The following CFAP299 variants were observed in gnomAD, a reference collection of about 807,000 sequenced individuals.
CFAP299 encodes cilia- and flagella-associated protein 299.
In CFAP299, 21 loss-of-function variants were observed where a neutral mutation model predicts 27.0. The observed-to-expected ratio is 0.78, with a 90% CI of 0.55 to 1.12. The LOEUF (loss-of-function observed/expected upper bound fraction) is 1.12, where lower values mean the gene tolerates loss of function less well. Among genes scored for constraint, CFAP299 ranks in the 50% most tolerant of loss-of-function variants. CFAP299 has a pLI of 0.00. For synonymous variants in CFAP299, 104 were observed against 98.1 expected (o/e 1.06, Z -0.36); for missense variants, 310 against 276.6 (o/e 1.12, Z -0.86).
At chr4:80,693,554 G>C (rs1362809031) in intron 3 of CFAP299, among the ~76,000 whole-genome samples, 2 of 129,832 alleles carry the variant, frequency 1.5e-5, no homozygotes, top group Admixed American at 1.6e-4. Flanking sequence ...TGGTGGGGTG[G>C]GGGAGGGGGG....
chr4:80,758,225 A>G (rs916018766), intron 3 of CFAP299, among the ~76,000 whole-genome samples: 1 of 152,146 alleles, frequency 6.6e-6, no homozygotes, highest in African/African-American at 2.4e-5. Flanking sequence ...TGCTGAGGAA[A>G]GTGGCTTTCA....
In CFAP299 at chr4:80,902,160, T is replaced by G. The variant is rs191517251; in HGVS notation, c.476+32025T>G. Among the ~76,000 whole-genome samples, 612 of 151,774 alleles carry G rather than the reference T, an allele frequency of 4.0e-3. 1 individual carries two copies. The highest frequency in any genetic ancestry group is 0.014 in the Middle Eastern group (4 of 294). Reference sequence around the variant, plus strand: ...TCTTCTATGAGAAAAATCTGAACATTTTTCCTATTAATTAATAGGTAGAAT... The same window carrying G: ...TCTTCTATGAGAAAAATCTGAACATGTTTCCTATTAATTAATAGGTAGAAT... On this transcript the variant is annotated intron_variant, in intron 4 of 5. Transcript: ENST00000358105.
chr4:80,457,322 G>A (rs762162099), intron 2 of CFAP299, among the ~76,000 whole-genome samples: 2 of 152,112 alleles, frequency 1.3e-5, no homozygotes, highest in Admixed American at 6.6e-5. Context: ...GAGCCATGTT[G>A]GAAAGTTATT....
intron 3 of CFAP299, among the ~76,000 whole-genome samples, chr4:80,700,764 T>C (rs1735576107): frequency 6.6e-6 from 1 of 152,012 alleles, no homozygotes; most frequent in Admixed American, 6.6e-5. Flanking sequence ...AAAAGGAGAT[T>C]ACTTAAAAAT....
intron 4 of CFAP299, among the ~76,000 whole-genome samples, chr4:80,909,895 A>T (rs1422101069): frequency 6.6e-6 from 1 of 152,126 alleles, no homozygotes; most frequent in Non-Finnish European, 1.5e-5. Context: ...AAATAACTAA[A>T]TTTTTTGAAA....
At chr4:80,904,632 G>A (rs959429976) in intron 4 of CFAP299, among the ~76,000 whole-genome samples, 4 of 152,114 alleles carry the variant, frequency 2.6e-5, no homozygotes, top group African/African-American at 4.8e-5. Flanking sequence ...AAGAGACAAG[G>A]AAGATGTTCA....
rs143918965 is a variant in CFAP299, at chr4:80,645,276, T to G, written c.333+62093T>G. ...ATAAAATCTGTATTTAAGTCAAAAC[T>G]TGCATGGAGTATAGAGTTGCAGTTG... On this transcript the variant is annotated intron_variant, in intron 3 of 5. Coordinates refer to ENST00000358105, the MANE Select transcript of CFAP299 (RefSeq NM_152770.3). 4.9e-3 allele frequency among the ~76,000 whole-genome samples: 744 copies of G among 152,222 alleles called. 10 individuals carry two copies. The highest frequency in any genetic ancestry group is 0.017 in the African/African-American group (712 of 41,542).
chr4:80,948,429 T>C (rs1291891696), intron 5 of CFAP299, among the ~76,000 whole-genome samples: 3 of 69,388 alleles, frequency 4.3e-5, no homozygotes, highest in Non-Finnish European at 1.6e-4. Flanking sequence ...GAATGCTTGT[T>C]TGAGTGATTC....
At chr4:80,347,770 A>G (rs978265462) in intron 1 of CFAP299, among the ~76,000 whole-genome samples, 2 of 152,162 alleles carry the variant, frequency 1.3e-5, no homozygotes, top group Admixed American at 1.3e-4. Context: ...TCACAGAATT[A>G]AAAGAAACTA....
chr4:80,857,867 C>CT lies in CFAP299; in HGVS notation c.334-12118dup, dbSNP rs920783671. Among the ~76,000 whole-genome samples, 58 of 152,008 alleles carry CT rather than the reference C, an allele frequency of 3.8e-4. No individual in the cohort carries two copies. The South Asian group carries it at 6.9e-3, about 18-fold the overall frequency. ...ATCAAGGATATTGGTCTAAAATTCT[C>CT]TTTTTTTTGTTGTGTCTCTGCCCAG... On this transcript the variant is annotated intron_variant, in intron 3 of 5. Transcript: ENST00000358105.
At chr4:80,327,904 A>T in the CFAP299 span, among the ~76,000 whole-genome samples, 1 of 151,424 alleles carries the variant, frequency 6.6e-6, no homozygotes, top group African/African-American at 2.4e-5. Flanking sequence ...AAGTTACACT[A>T]ATAAGAACAG....
rs199854313 is a variant in CFAP299, at chr4:80,944,064, C to CAATAAATA, written c.477-708_477-701dup. Among the ~76,000 whole-genome samples the CAATAAATA allele has an allele frequency of 3.7e-3, 528 of 144,466 alleles. 2 individuals are homozygous for CAATAAATA. Among genetic ancestry groups the CAATAAATA allele is most frequent in the African/African-American group, 8.2e-3 (317 of 38,694 alleles). The allele number at this position is 144,466 out of a possible 152,430, so 94.8% of individuals were successfully genotyped here. On this transcript the variant is annotated intron_variant, in intron 4 of 5. Transcript: ENST00000358105. ...CTGGAGACAGAGCAAGACTCCATCT[C>CAATAAATA]AATAAATAAATAAATAAATAAATAA...
intron 2 of CFAP299, chr4:80,387,687 G>C: frequency 6.4e-7 from 1 of 1,572,302 alleles, no homozygotes; most frequent in East Asian, 2.2e-5. Context: ...TCTGGGCAAA[G>C]GCATGGCCAC....
chr4:80,870,886 C>T, intron 4 of CFAP299: 1 of 985,074 alleles, frequency 1.0e-6, no homozygotes, highest in African/African-American at 1.7e-5. Flanking sequence ...TATCTGAAGA[C>T]TTCCTTATCC....
In CFAP299 at chr4:80,597,582, T is replaced by C. The variant is rs183061273; in HGVS notation, c.333+14399T>C. Among the ~76,000 whole-genome samples, 188 of 152,380 alleles carry C rather than the reference T, an allele frequency of 1.2e-3. 2 individuals are homozygous for C. The highest frequency in any genetic ancestry group is 4.3e-3 in the African/African-American group (178 of 41,598). On this transcript the variant is annotated intron_variant, in intron 3 of 5. Coordinates refer to ENST00000358105, the MANE Select transcript of CFAP299 (RefSeq NM_152770.3). The stretch of plus-strand genomic sequence containing the variant: ...TTTATTGCTAGAGATGTTTCTACGC[T>C]GTTTAAGATATCTTTGCTATCTCAA...
chr4:80,745,342 G>C (rs1724525990), intron 3 of CFAP299, among the ~76,000 whole-genome samples: 1 of 152,064 alleles, frequency 6.6e-6, no homozygotes, highest in African/African-American at 2.4e-5. Context: ...TTACTAAAAT[G>C]ACCAGCAGAC....
At chr4:80,325,698 T>C in the CFAP299 span, among the ~76,000 whole-genome samples, 1 of 152,224 alleles carries the variant, frequency 6.6e-6, no homozygotes, top group Non-Finnish European at 1.5e-5. Flanking sequence ...TTTCACTTAT[T>C]ATGTGACTGG....
chr4:80,757,707 G>T lies in CFAP299; in HGVS notation c.334-112286G>T, dbSNP rs566462521. 2.4e-3 allele frequency among the ~76,000 whole-genome samples: 357 copies of T among 148,268 alleles called. 1 individual carries two copies. Among genetic ancestry groups the T allele is most frequent in the African/African-American group, 7.1e-3 (275 of 38,694 alleles). On this transcript the variant is annotated intron_variant, in intron 3 of 5. Coordinates refer to ENST00000358105, the MANE Select transcript of CFAP299 (RefSeq NM_152770.3). ...CAAAGTCAGGTTTTTTGTTTTTTTT[G>T]TTTGTTTGTTTGTTTGTTTGGTTTG...
intron 3 of CFAP299, among the ~76,000 whole-genome samples, chr4:80,632,730 G>A (rs1050150246): frequency 2.7e-5 from 4 of 149,040 alleles, no homozygotes; most frequent in African/African-American, 7.4e-5. Flanking sequence ...TTTTTTGCAT[G>A]CATTCAACAC....
Sources: allele counts gnomAD v4.1 joint callset (sites outside exome capture counted in the v4.1 genomes callset), GRCh38; gene constraint gnomAD v4.1.1; transcripts MANE v1.5; gene names NCBI Gene and HGNC (gene_info 2026-07-23, HGNC 2026-07-21).